Variants in ASZ1 observed in about 807,000 individuals in gnomAD.
The protein encoded by ASZ1 is ankyrin repeat, SAM and basic leucine zipper domain containing 1, also known as ankyrin repeat, SAM and basic leucine zipper domain-containing protein 1.
Under a neutral mutation model 61.8 loss-of-function variants are expected in ASZ1, and 67 were observed. The observed-to-expected ratio is 1.08, with a 90% CI of 0.89 to 1.33. The LOEUF is 1.33. ASZ1 is among the 40% of genes most tolerant of loss of function. The probability of loss-of-function intolerance (pLI) is 0.00; values close to 1 mark genes in which losing one functional copy is unlikely to be tolerated. For missense variants in ASZ1, 577 were observed against 554.5 expected (o/e 1.04, Z -0.41); for synonymous variants, 193 against 192.7 (o/e 1.00, Z -0.01).
chr7:117,427,342 G>A lies in ASZ1; in HGVS notation c.105+14C>T. ...TGAAACCAGGTGTGGTCAAGACAAGGCCTCCTCCGCTACCTGAGACGTCCG... is the reference window on the plus strand; with the variant it reads ...TGAAACCAGGTGTGGTCAAGACAAGACCTCCTCCGCTACCTGAGACGTCCG... On this transcript the variant is annotated intron_variant, in intron 1 of 12. Coordinates refer to ENST00000284629, the MANE Select transcript of ASZ1 (RefSeq NM_130768.3). The A allele has an allele frequency of 6.2e-7, 1 of 1,613,754 alleles. No homozygotes were observed. The highest frequency in any genetic ancestry group is 8.5e-7 in the Non-Finnish European group (1 of 1,179,618).
At chr7:117,406,710 G>A (rs892314644) in intron 4 of ASZ1, among the ~76,000 whole-genome samples, 3 of 151,326 alleles carry the variant, frequency 2.0e-5, no homozygotes, top group Admixed American at 6.6e-5. Flanking sequence ...CCGAGATTGC[G>A]CCACTGCACT....
chr7:117,416,488 A>G (rs1220459637), intron 4 of ASZ1, among the ~76,000 whole-genome samples: 1 of 152,210 alleles, frequency 6.6e-6, no homozygotes, highest in Non-Finnish European at 1.5e-5. Flanking sequence ...TAATACACAG[A>G]GCATGGATGA....
At chr7:117,371,034 C>T (rs1230554401) in intron 10 of ASZ1, among the ~76,000 whole-genome samples, 3 of 151,828 alleles carry the variant, frequency 2.0e-5, no homozygotes, top group Admixed American at 6.6e-5. Flanking sequence ...CATGTTGGCC[C>T]GGCTCGCCTT....
intron 4 of ASZ1, among the ~76,000 whole-genome samples, chr7:117,393,061 G>T (rs1396368493): frequency 6.6e-6 from 1 of 151,764 alleles, no homozygotes. Context: ...TGGCCAGGCT[G>T]GTCTCAAACT....
intron 4 of ASZ1, among the ~76,000 whole-genome samples, chr7:117,386,749 G>T (rs575807853): frequency 6.6e-6 from 1 of 152,234 alleles, no homozygotes; most frequent in South Asian, 2.1e-4. Flanking sequence ...TCTCTGTAAG[G>T]TTTGTTAGCA....
chr7:117,404,465 TCTTA>T (rs1248135802), intron 4 of ASZ1, among the ~76,000 whole-genome samples: 1 of 149,218 alleles, frequency 6.7e-6, no homozygotes. Flanking sequence ...AGTGCATACC[TCTTA>T]CTTATGCAGT....
chr7:117,368,294 T>C (rs190010391), intron 11 of ASZ1: 7 of 992,178 alleles, frequency 7.1e-6, no homozygotes, highest in Admixed American at 5.9e-5. Flanking sequence ...AATAACACAC[T>C]GTTTTATTTC....
chr7:117,381,048 C>A lies in ASZ1; in HGVS notation c.908G>T (p.Arg303Ile). ...DLLKERDITL[R>I]HLLTMREDEF... ...ATCTTCCCTCATGGTCAAAAGATGT[C>A]TTAACGTTATATCCCTTTCCTGTAT... is the stretch of plus-strand genomic sequence containing the variant. The change falls in exon 9 of 13, where the codon AGA becomes ATA. Residue 303 changes from arginine (R) to isoleucine (I), a missense_variant. Physicochemically the swap from Arg to Ile is moderately conservative, Grantham distance 97 (BLOSUM62 -3). Transcript: ENST00000284629. The A allele has an allele frequency of 6.3e-7, 1 of 1,597,098 alleles. No homozygotes were observed. Among genetic ancestry groups the A allele is most frequent in the Non-Finnish European group, 8.5e-7 (1 of 1,171,364 alleles).
At chr7:117,393,320 G>A (rs1274913266) in intron 4 of ASZ1, among the ~76,000 whole-genome samples, 1 of 152,020 alleles carries the variant, frequency 6.6e-6, no homozygotes, top group Non-Finnish European at 1.5e-5. Flanking sequence ...TGTCTAATCT[G>A]TTTTTCTAAG....
Position 117,368,624 on chromosome 7 carries a change from T to G in ASZ1, c.1149A>C (p.Val383=). The change falls in exon 11 of 13, where the codon GTA becomes GTC. Residue 383 remains valine (V), a synonymous_variant. Coordinates refer to ENST00000284629, the MANE Select transcript of ASZ1 (RefSeq NM_130768.3). ...TTTTGTAGAATACCTTTTGAGAATT[T>G]ACAGGTAACTCAGTAATAACATTCT... ...AVQNVITELP[V]NSQKITLEWA... 1 of 1,611,152 alleles carries G rather than the reference T, an allele frequency of 6.2e-7. No homozygotes were observed. Among genetic ancestry groups the G allele is most frequent in the Non-Finnish European group, 8.5e-7 (1 of 1,178,990 alleles).
chr7:117,419,867 T>C (rs1797066798), intron 4 of ASZ1, among the ~76,000 whole-genome samples: 1 of 152,202 alleles, frequency 6.6e-6, no homozygotes, highest in Non-Finnish European at 1.5e-5. Context: ...TACAGGTCAA[T>C]CGTCATATTC....
At chr7:117,418,122 G>C (rs1318644788) in intron 4 of ASZ1, among the ~76,000 whole-genome samples, 1 of 152,006 alleles carries the variant, frequency 6.6e-6, no homozygotes, top group African/African-American at 2.4e-5. Flanking sequence ...TGATTAGGAG[G>C]GTAAAGACTT....
At chr7:117,421,095 C>T (rs1484043187) in intron 3 of ASZ1, among the ~76,000 whole-genome samples, 1 of 152,172 alleles carries the variant, frequency 6.6e-6, no homozygotes. Flanking sequence ...TATTTTATAG[C>T]TCTAACTATC....
intron 10 of ASZ1, among the ~76,000 whole-genome samples, chr7:117,378,309 C>G (rs74879284): frequency 0.023 from 3,474 of 152,072 alleles, 131 homozygotes; most frequent in African/African-American, 0.08. Flanking sequence ...CAAAAGATTT[C>G]AATGTAGATA....
intron 12 of ASZ1, among the ~76,000 whole-genome samples, chr7:117,364,684 A>G (rs1795900434): frequency 6.6e-6 from 1 of 152,166 alleles, no homozygotes; most frequent in Admixed American, 6.6e-5. Flanking sequence ...GTAAATATTT[A>G]ATTAAAAAGC....
intron 4 of ASZ1, among the ~76,000 whole-genome samples, chr7:117,417,595 C>T (rs143426386): frequency 5.1e-4 from 77 of 152,256 alleles, no homozygotes; most frequent in African/African-American, 1.8e-3. Flanking sequence ...ATTGACAGCA[C>T]GCTATCCCAC....
intron 12 of ASZ1, among the ~76,000 whole-genome samples, chr7:117,365,713 T>C (rs1180366416): frequency 1.3e-5 from 2 of 152,222 alleles, no homozygotes; most frequent in East Asian, 3.8e-4. Context: ...AGATGAGATA[T>C]AATTTTTGGG....
chr7:117,427,260 G>A (rs1797240482), intron 1 of ASZ1, 96 bp downstream of exon 1: 3 of 1,319,360 alleles, frequency 2.3e-6, no homozygotes, highest in African/African-American at 1.5e-5. Flanking sequence ...GGAAATACAC[G>A]TGAGGGAGTA....
intron 4 of ASZ1, among the ~76,000 whole-genome samples, chr7:117,416,409 T>C (rs1477271185): frequency 1.3e-5 from 2 of 152,192 alleles, no homozygotes; most frequent in African/African-American, 2.4e-5. Flanking sequence ...TTTTAATTTC[T>C]AAGCAATTGA....
Sources: gnomAD v4.1 joint callset for allele counts (sites outside exome capture counted in the v4.1 genomes callset) on GRCh38, gnomAD v4.1.1 for gene constraint, MANE v1.5 for transcripts, NCBI Gene and HGNC (gene_info 2026-07-23, HGNC 2026-07-21) for gene names.